KNDC1: variants seen among roughly 807,000 people sequenced by gnomAD.
KNDC1 encodes the protein kinase non-catalytic C-lobe domain-containing protein 1.
A neutral mutation model predicts 172.8 loss-of-function variants in KNDC1; 106 were observed. The observed-to-expected ratio is 0.61, with a 90% CI of 0.52 to 0.72. The LOEUF (loss-of-function observed/expected upper bound fraction) is 0.72, where lower values mean the gene tolerates loss of function less well. Among genes scored for constraint, KNDC1 ranks in the 30% least tolerant of loss-of-function variants. The pLI is 0.00. For missense variants in KNDC1, 2,325 were observed against 2,394.5 expected (o/e 0.97, Z 0.61); for synonymous variants, 1,083 against 1,062.2 (o/e 1.02, Z -0.38).
Position 133,186,444 on chromosome 10 carries a change from G to C in KNDC1, c.1096G>C (p.Glu366Gln), listed in dbSNP as rs774973285. Reference sequence around the variant, plus strand: ...TCAGCCCAAATGCAGGCTGTGGCCGGAGCAGGAGCCGGAACACCAGCTGGG... The same window carrying C: ...TCAGCCCAAATGCAGGCTGTGGCCGCAGCAGGAGCCGGAACACCAGCTGGG... The part of the protein sequence containing the change: ...QAQPKCRLWP[E>Q]QEPEHQLGRV... Residue 366 changes from glutamate to glutamine, a missense_variant, in exon 6 of 30, where the codon GAG (glutamate) becomes CAG (glutamine). Physicochemically the swap from Glu to Gln is conservative, Grantham distance 29. Coordinates refer to ENST00000304613, the MANE Select transcript of KNDC1 (RefSeq NM_152643.8). 2 of 1,612,574 alleles carry C rather than the reference G, an allele frequency of 1.2e-6. No individual in the cohort carries two copies. The highest frequency in any genetic ancestry group is 4.5e-5 in the East Asian group (2 of 44,870).
intron 10 of KNDC1, 67 bp downstream of exon 10, chr10:133,195,888 G>T: frequency 7.1e-7 from 1 of 1,408,612 alleles, no homozygotes; most frequent in Non-Finnish European, 9.4e-7. Flanking sequence ...CGCCCTCGCT[G>T]AGCTGGGGGT....
At chr10:133,196,102 T>A (rs1020403272) in intron 10 of KNDC1, among the ~76,000 whole-genome samples, 3 of 152,198 alleles carry the variant, frequency 2.0e-5, no homozygotes, top group African/African-American at 7.2e-5. Context: ...CTCTCCAGCT[T>A]GTCCAAGAGG....
chr10:133,190,728 G>T (rs1322599475), intron 9 of KNDC1, among the ~76,000 whole-genome samples: 1 of 152,240 alleles, frequency 6.6e-6, no homozygotes, highest in Non-Finnish European at 1.5e-5. Flanking sequence ...AAAAGAGGCT[G>T]TCCTGAACCC....
chr10:133,185,846 G>GGGGAGAGGT, intron 5 of KNDC1, 128 bp from the exon 6 acceptor site: 10 of 370,538 alleles, frequency 2.7e-5, no homozygotes, highest in Middle Eastern at 1.3e-3. Flanking sequence ...GGAGAGGGGA[G>GGGGAGAGGT]GGGAGGGGAG....
intron 3 of KNDC1, among the ~76,000 whole-genome samples, chr10:133,182,127 G>A (rs901652932): frequency 6.6e-5 from 10 of 152,090 alleles, no homozygotes; most frequent in East Asian, 1.9e-4. Flanking sequence ...AGGGGGAGTC[G>A]GCCAGGATGA....
At chr10:133,188,298 C>T (rs1027196258) in intron 6 of KNDC1, among the ~76,000 whole-genome samples, 5 of 152,184 alleles carry the variant, frequency 3.3e-5, no homozygotes, top group African/African-American at 9.7e-5. Context: ...GCAGCACTGT[C>T]GTCTGCAGTG....
intron 23 of KNDC1, among the ~76,000 whole-genome samples, chr10:133,212,315 G>A (rs1400554341): frequency 6.6e-6 from 1 of 152,138 alleles, no homozygotes; most frequent in African/African-American, 2.4e-5. Flanking sequence ...ACATCCACAC[G>A]TGCACACTCA....
chr10:133,169,638 AGTGGCCTGGTGGCCGTGACGCGGCAC>A lies in KNDC1; in HGVS notation c.360+1342_360+1367del, dbSNP rs1449373088. 5.3e-5 allele frequency among the ~76,000 whole-genome samples: 8 copies of A among 152,314 alleles called. 1 individual carries two copies. Among genetic ancestry groups the A allele is most frequent in the Middle Eastern group, 3.4e-3 (1 of 294 alleles). ...CGTCCAGAACCCAACTCCCTGCAGC[AGTGGCCTGGTGGCCGTGACGCGGCAC>A]GTGGCCTGGTGGCCGGGACATGGTG... On this transcript the variant is annotated intron_variant, in intron 3 of 29. Coordinates refer to ENST00000304613, the MANE Select transcript of KNDC1 (RefSeq NM_152643.8).
At chr10:133,166,890 G>A (rs1003679069) in intron 1 of KNDC1, among the ~76,000 whole-genome samples, 1 of 152,148 alleles carries the variant, frequency 6.6e-6, no homozygotes, top group African/African-American at 2.4e-5. Flanking sequence ...TGTGTCCTCC[G>A]TGTGAATTGC....
At chr10:133,184,017 TCCTC>T in intron 5 of KNDC1, 28 bp downstream of exon 5, 1 of 1,331,902 alleles carries the variant, frequency 7.5e-7, no homozygotes, top group Non-Finnish European at 1.0e-6. Flanking sequence ...CACACGTGCA[TCCTC>T]ATGCACATAT....
intron 3 of KNDC1, among the ~76,000 whole-genome samples, chr10:133,178,235 G>A (rs1410820080): frequency 6.6e-6 from 1 of 151,990 alleles, no homozygotes; most frequent in Non-Finnish European, 1.5e-5. Context: ...CATGCATGTA[G>A]CGTGTTGCAT....
In KNDC1 at chr10:133,200,407, G is replaced by A; in HGVS notation, c.2936G>A (p.Gly979Asp). The change falls in exon 16 of 30, where the codon GGC becomes GAC. Residue 979 changes from glycine to aspartate, a missense_variant. Transcript: ENST00000304613. ...GAGGAGGCTGGGTCACAGCTCGAGG[G>A]CAGCCAAAGCCCCCGCTCCCCGTCC... is the stretch of plus-strand genomic sequence containing the variant. Reference protein sequence around the residue: ...TAEEAGSQLEGSQSPRSPSSK... With the variant: ...TAEEAGSQLEDSQSPRSPSSK... 6.3e-7 allele frequency: 1 copy of A among 1,597,894 alleles called. No homozygotes were observed. The highest frequency in any genetic ancestry group is 8.5e-7 in the Non-Finnish European group (1 of 1,173,046).
rs747433448 is a variant in KNDC1 at position 133,199,058 on chromosome 10, C to A, written c.2550C>A (p.Thr850=). 14 of 1,599,578 alleles carry A rather than the reference C, an allele frequency of 8.8e-6. No individual in the cohort carries two copies. In the African/African-American group the frequency reaches 1.3e-4, roughly 15 times the overall value. Residue 850 remains threonine, a synonymous_variant, in exon 14 of 30, where the codon ACC becomes ACA. Coordinates refer to ENST00000304613, the MANE Select transcript of KNDC1 (RefSeq NM_152643.8). ...AGGAGCCAGAGGGCCCCGGGGCCAC[C>A]CCTGCCGGGGAACGTGATGACCAGA... ...PGQEPEGPGA[T]PAGERDDQSP... is the part of the protein sequence containing the mutation.
In KNDC1 at chr10:133,160,549, C is replaced by G; in HGVS notation, c.82C>G (p.Pro28Ala). Residue 28 changes from proline (P) to alanine (A), a missense_variant, in exon 1 of 30, where the codon CCC becomes GCC. Pro to Ala is a conservative substitution (Grantham distance 27). Transcript: ENST00000304613. Reference protein sequence around the residue: ...DLDFYDFEPLPTLPEDEENVS... With the variant: ...DLDFYDFEPLATLPEDEENVS... ...GGACTTCTACGACTTCGAGCCGCTG[C>G]CCACCCTCCCCGAGGACGAGGTGAG... 1 of 1,581,822 alleles carries G rather than the reference C, an allele frequency of 6.3e-7. No homozygotes were observed. Among genetic ancestry groups the G allele is most frequent in the Non-Finnish European group, 8.6e-7 (1 of 1,165,658 alleles).
chr10:133,198,885 C>T lies in KNDC1; in HGVS notation c.2377C>T (p.Pro793Ser). Residue 793 changes from proline (P) to serine (S), a missense_variant, in exon 14 of 30, where the codon CCC becomes TCC. Pro to Ser is a moderately conservative substitution (Grantham distance 74, BLOSUM62 -1). Coordinates refer to ENST00000304613, the MANE Select transcript of KNDC1 (RefSeq NM_152643.8). ...PAPPTKASAL[P>S]VEQGPAEPIP... ...CCCGCCCACGAAGGCATCTGCGCTGCCCGTAGAGCAAGGGCCGGCTGAGCC... is the reference window on the plus strand; with the variant it reads ...CCCGCCCACGAAGGCATCTGCGCTGTCCGTAGAGCAAGGGCCGGCTGAGCC... The T allele has an allele frequency of 6.3e-7, 1 of 1,594,628 alleles. No homozygotes were observed.
chr10:133,216,177 G>A (rs1845465539), intron 26 of KNDC1, among the ~76,000 whole-genome samples: 1 of 152,204 alleles, frequency 6.6e-6, no homozygotes, highest in Non-Finnish European at 1.5e-5. Context: ...ATGCTCGGGG[G>A]TCAGTGGCTC....
chr10:133,212,624 C>T (rs1056514369), intron 23 of KNDC1, 92 bp from the exon 24 acceptor site: 1 of 1,090,736 alleles, frequency 9.2e-7, no homozygotes, highest in African/African-American at 1.6e-5. Context: ...TTGCACCTGG[C>T]CTGGTCCTCA....
At chr10:133,192,239 C>T (rs1854085748) in intron 9 of KNDC1, among the ~76,000 whole-genome samples, 1 of 152,210 alleles carries the variant, frequency 6.6e-6, no homozygotes, top group South Asian at 2.1e-4. Flanking sequence ...CATCACGTTA[C>T]CCAACTTCAA....
At chr10:133,210,753 C>A in intron 21 of KNDC1, 29 bp downstream of exon 21, 1 of 1,551,486 alleles carries the variant, frequency 6.4e-7, no homozygotes, top group Non-Finnish European at 8.9e-7. Flanking sequence ...CCACGCCCGC[C>A]AGAGCTTCCC....
Sources: gnomAD v4.1 joint callset for allele counts (sites outside exome capture counted in the v4.1 genomes callset) on GRCh38, gnomAD v4.1.1 for gene constraint, MANE v1.5 for transcripts, NCBI Gene and HGNC (gene_info 2026-07-23, HGNC 2026-07-21) for gene names.